The following OTUD7A variants were observed in gnomAD, a reference collection of about 807,000 sequenced individuals.
The protein encoded by OTUD7A is OTU domain-containing protein 7A.
Under a neutral mutation model 65.7 loss-of-function variants are expected in OTUD7A, and 12 were observed. The ratio of observed to expected loss-of-function variants is 0.18; its 90% CI spans 0.12 to 0.30. The LOEUF (loss-of-function observed/expected upper bound fraction) is 0.30. Ranked by LOEUF, OTUD7A falls within the 10% of genes least tolerant of loss-of-function variation. The pLI, the probability that OTUD7A is intolerant of heterozygous loss-of-function variation, is 1.00. For synonymous variants in OTUD7A, 641 were observed against 586.3 expected (o/e 1.09, Z -1.35); for missense variants, 1,148 against 1,304.8 (o/e 0.88, Z 1.85).
intron 1 of OTUD7A, 103 bp downstream of exon 1, chr15:31,870,404 G>A (rs1897996984): frequency 6.8e-6 from 1 of 146,350 alleles, no homozygotes; most frequent in South Asian, 1.9e-4. Flanking sequence ...CACGGAGCTC[G>A]GGAAGGAGAC....
chr15:31,810,603 C>T (rs1016011603), intron 1 of OTUD7A, among the ~76,000 whole-genome samples: 5 of 152,270 alleles, frequency 3.3e-5, no homozygotes, highest in Middle Eastern at 6.8e-3. Flanking sequence ...CTGGGATTTT[C>T]GGGCTCCAGA....
Position 31,780,506 on chromosome 15 carries a change from G to C in OTUD7A, c.-100+90001C>G, listed in dbSNP as rs182248052. Among the ~76,000 whole-genome samples the C allele has an allele frequency of 2.6e-5, 4 of 152,308 alleles. No individual in the cohort carries two copies. In the East Asian group the frequency reaches 7.7e-4, roughly 29 times the overall value. On this transcript the variant is annotated intron_variant, in intron 1 of 12. Transcript: ENST00000307050. ...GAGCCGGCGGGAGCTGTGGGAAGGT[G>C]GCTACCTGACTCCAGATCTGTGGGC...
intron 1 of OTUD7A, among the ~76,000 whole-genome samples, chr15:31,849,470 TA>T (rs2141003074): frequency 6.6e-6 from 1 of 152,256 alleles, no homozygotes; most frequent in African/African-American, 2.4e-5. Context: ...ACCTAGGCAA[TA>T]CCATTCAGGA....
intron 1 of OTUD7A, among the ~76,000 whole-genome samples, chr15:31,664,491 T>G (rs1892264407): frequency 6.6e-6 from 1 of 151,770 alleles, no homozygotes; most frequent in South Asian, 2.1e-4. Context: ...TTCATATCCT[T>G]AGCCCACTTT....
intron 10 of OTUD7A, among the ~76,000 whole-genome samples, chr15:31,490,771 T>C (rs2041308226): frequency 6.6e-6 from 1 of 152,212 alleles, no homozygotes; most frequent in Non-Finnish European, 1.5e-5. Context: ...CAAAAAAGAC[T>C]GGCAGGAGTT....
intron 1 of OTUD7A, among the ~76,000 whole-genome samples, chr15:31,682,882 C>T (rs535048904): frequency 2.6e-5 from 4 of 152,074 alleles, no homozygotes; most frequent in Admixed American, 2.0e-4. Context: ...TGTTTGCATG[C>T]GCATGTGTGT....
At chr15:31,710,210 A>G (rs539608298) in intron 1 of OTUD7A, among the ~76,000 whole-genome samples, 31 of 149,250 alleles carry the variant, frequency 2.1e-4, no homozygotes, top group African/African-American at 6.9e-4. Context: ...CACTTTCCCT[A>G]ATAGACATCT....
chr15:31,796,545 C>T (rs925364395), intron 1 of OTUD7A, among the ~76,000 whole-genome samples: 3 of 152,316 alleles, frequency 2.0e-5, no homozygotes, highest in Middle Eastern at 3.4e-3. Flanking sequence ...CAGCAACATT[C>T]AGATGTATTT....
At chr15:31,799,705 A>G (rs1331043200) in intron 1 of OTUD7A, among the ~76,000 whole-genome samples, 2 of 152,174 alleles carry the variant, frequency 1.3e-5, no homozygotes, top group Non-Finnish European at 2.9e-5. Flanking sequence ...TGCCTCTTGC[A>G]TATACCACTC....
At chr15:31,610,752 G>A (rs549537499) in intron 3 of OTUD7A, among the ~76,000 whole-genome samples, 2 of 149,618 alleles carry the variant, frequency 1.3e-5, no homozygotes, top group Non-Finnish European at 3.0e-5. Flanking sequence ...CTCCCAAGTA[G>A]CTGGGACTAC....
intron 1 of OTUD7A, among the ~76,000 whole-genome samples, chr15:31,696,913 G>A (rs1893097301): frequency 6.6e-6 from 1 of 150,812 alleles, no homozygotes; most frequent in East Asian, 2.0e-4. Flanking sequence ...CAAGGTCAGG[G>A]AGAGGAGACT....
At chr15:31,724,009 A>C (rs1416593679) in intron 1 of OTUD7A, among the ~76,000 whole-genome samples, 2 of 135,946 alleles carry the variant, frequency 1.5e-5, no homozygotes, top group African/African-American at 5.6e-5. Flanking sequence ...GTTGTTGTTA[A>C]TTGGCTCTCC....
At chr15:31,601,039 T>C (rs956964250) in intron 3 of OTUD7A, among the ~76,000 whole-genome samples, 8 of 152,170 alleles carry the variant, frequency 5.3e-5, no homozygotes, top group East Asian at 1.9e-4. Flanking sequence ...CTGCCAATAT[T>C]AGACAGATCA....
At position 31,484,190 on chromosome 15, in the gene OTUD7A, T is replaced by G; in HGVS notation, c.1906A>C (p.Met636Leu). ...KLSLNILRAAMQGERKFIFAG... is the reference protein window; with the variant it reads ...KLSLNILRAALQGERKFIFAG... The stretch of plus-strand genomic sequence containing the variant: ...AAGATGAACTTGCGCTCCCCCTGCA[T>G]GGCGGCGCGCAGGATGTTGAGGCTC... The change falls in exon 13 of 13, where the codon ATG (methionine) becomes CTG (leucine). Residue 636 changes from methionine to leucine, a missense_variant. Coordinates refer to ENST00000307050, the MANE Select transcript of OTUD7A (RefSeq NM_001382637.1). The surrounding 1 kb of genome is among the most constrained non-coding windows in gnomAD (Gnocchi z 4.5). The G allele has an allele frequency of 1.2e-6, 2 of 1,609,844 alleles. No homozygotes were observed. The highest frequency in any genetic ancestry group is 1.7e-6 in the Non-Finnish European group (2 of 1,179,250).
intron 1 of OTUD7A, among the ~76,000 whole-genome samples, chr15:31,824,576 A>C: frequency 6.6e-6 from 1 of 152,224 alleles, no homozygotes; most frequent in Non-Finnish European, 1.5e-5. Context: ...TGAAGTTATC[A>C]CCCTCATTTT....
chr15:31,709,231 G>C (rs918647000), intron 1 of OTUD7A, among the ~76,000 whole-genome samples: 1 of 152,074 alleles, frequency 6.6e-6, no homozygotes, highest in Non-Finnish European at 1.5e-5. Flanking sequence ...CCAAGACTCA[G>C]GGCTGGAAAA....
chr15:31,848,009 C>T (rs1769529369), intron 1 of OTUD7A, among the ~76,000 whole-genome samples: 3 of 152,216 alleles, frequency 2.0e-5, no homozygotes, highest in Admixed American at 2.0e-4. Flanking sequence ...ACACCTTCAA[C>T]ATGTGCAGAT....
chr15:31,735,630 A>G (rs1222197818), intron 1 of OTUD7A, among the ~76,000 whole-genome samples: 1 of 152,216 alleles, frequency 6.6e-6, no homozygotes, highest in Non-Finnish European at 1.5e-5. Context: ...AATTAGTTCA[A>G]CCATTGTGGA....
At position 31,867,050 on chromosome 15, in the gene OTUD7A, C is replaced by T. The variant is rs114869759; in HGVS notation, c.-100+3457G>A. Among the ~76,000 whole-genome samples, 1,065 of 152,236 alleles carry T rather than the reference C, an allele frequency of 7.0e-3. 15 individuals are homozygous for T. Among genetic ancestry groups the T allele is most frequent in the African/African-American group, 0.025 (1,025 of 41,520 alleles). On this transcript the variant is annotated intron_variant, in intron 1 of 12. Coordinates refer to ENST00000307050, the MANE Select transcript of OTUD7A (RefSeq NM_001382637.1). ...GAGGAGTCTTTGGTCTTCAGTAACA[C>T]ACCCAGATGCTGCAATGACCATCTA... is the stretch of plus-strand genomic sequence containing the variant.
Sources: allele counts gnomAD v4.1 joint callset (sites outside exome capture counted in the v4.1 genomes callset), GRCh38; gene constraint gnomAD v4.1.1; non-coding constraint Gnocchi (gnomAD v3.1); transcripts MANE v1.5; gene names NCBI Gene and HGNC (gene_info 2026-07-23, HGNC 2026-07-21).